DOCK4: variants seen among roughly 807,000 people sequenced by gnomAD.
The protein encoded by DOCK4 is dedicator of cytokinesis protein 4.
A neutral mutation model predicts 268.1 loss-of-function variants in DOCK4; 97 were observed. The observed-to-expected ratio is 0.36, with a 90% CI of 0.31 to 0.43. DOCK4 has a LOEUF of 0.43. Ranked by LOEUF, DOCK4 falls within the 20% of genes least tolerant of loss-of-function variation. DOCK4 has a pLI of 1.00. For missense variants in DOCK4, 2,145 were observed against 2,455.7 expected (o/e 0.87, Z 2.67); for synonymous variants, 954 against 887.2 (o/e 1.08, Z -1.34).
intron 4 of DOCK4, among the ~76,000 whole-genome samples, chr7:111,997,936 A>G (rs1800099866): frequency 6.6e-6 from 1 of 152,216 alleles, no homozygotes. Flanking sequence ...TAGAAATACT[A>G]GGTGATCAAT....
intron 1 of DOCK4, among the ~76,000 whole-genome samples, chr7:112,111,289 G>A (rs1811627721): frequency 6.6e-6 from 1 of 152,186 alleles, no homozygotes; most frequent in East Asian, 1.9e-4. Context: ...GTAGGTATGA[G>A]GATGCTAGGG....
intron 26 of DOCK4, among the ~76,000 whole-genome samples, chr7:111,824,829 C>T (rs1347994088): frequency 6.6e-6 from 1 of 152,204 alleles, no homozygotes; most frequent in Non-Finnish European, 1.5e-5. Context: ...CAGCATGTGA[C>T]ATTGCCAATG....
rs2523009 is a variant in DOCK4 at position 112,149,347 on chromosome 7, A to C, written c.37+56755T>G. Among the ~76,000 whole-genome samples, 510 of 152,238 alleles carry C rather than the reference A, an allele frequency of 3.4e-3. 2 individuals are homozygous for C. The highest frequency in any genetic ancestry group is 0.012 in the African/African-American group (491 of 41,558). On this transcript the variant is annotated intron_variant, in intron 1 of 52. Transcript: ENST00000428084. ...TCTAAGGAAGAAAAAAATGCAGGAC[A>C]ATCATGTTTTCAGCAACTGGGCCTT...
chr7:111,937,462 A>G (rs1794832918), intron 11 of DOCK4, among the ~76,000 whole-genome samples: 1 of 152,222 alleles, frequency 6.6e-6, no homozygotes, highest in Admixed American at 6.5e-5. Context: ...CACAAAGAGC[A>G]GAACAATTTG....
At chr7:111,929,197 T>G (rs1180624109) in intron 12 of DOCK4, among the ~76,000 whole-genome samples, 1 of 152,088 alleles carries the variant, frequency 6.6e-6, no homozygotes, top group Non-Finnish European at 1.5e-5. Flanking sequence ...CACAAACATA[T>G]ACAATCAAGG....
intron 1 of DOCK4, among the ~76,000 whole-genome samples, chr7:112,157,242 T>C (rs1816699282): frequency 6.6e-6 from 1 of 152,156 alleles, no homozygotes; most frequent in Non-Finnish European, 1.5e-5. Flanking sequence ...TCATATGTGT[T>C]TTGGCCTCCA....
At chr7:111,754,661 C>T (rs1456487221) in intron 42 of DOCK4, among the ~76,000 whole-genome samples, 1 of 152,214 alleles carries the variant, frequency 6.6e-6, no homozygotes, top group Non-Finnish European at 1.5e-5. Context: ...TGGCTGACAT[C>T]GAGGTGCTGT....
intron 1 of DOCK4, among the ~76,000 whole-genome samples, chr7:112,124,020 A>G (rs1307061941): frequency 2.2e-4 from 33 of 151,830 alleles, no homozygotes; most frequent in Admixed American, 2.2e-3. Context: ...TCATTAAGAA[A>G]CTAAAAACTT....
At position 111,769,627 on chromosome 7, in the gene DOCK4, G is replaced by T. The variant is rs368171177; in HGVS notation, c.3730C>A (p.Arg1244=). The change falls in exon 37 of 53, where the codon CGG becomes AGG. Residue 1244 remains arginine, a synonymous_variant. Coordinates refer to ENST00000428084, the MANE Select transcript of DOCK4 (RefSeq NM_001363540.2). Reference sequence around the variant, plus strand: ...TAGGTCAGGAACTCCCTGAGGGGCCGATCAGACCATTCCAGTAGCTCGTCA... The same window carrying T: ...TAGGTCAGGAACTCCCTGAGGGGCCTATCAGACCATTCCAGTAGCTCGTCA... The part of the protein sequence containing the change: ...LYDELLEWSD[R]PLREFLTYPM... 2.5e-6 allele frequency: 4 copies of T among 1,613,602 alleles called. No homozygotes were observed. Among genetic ancestry groups the T allele is most frequent in the African/African-American group, 2.7e-5 (2 of 74,852 alleles).
chr7:111,765,323 T>TTACA (rs1797701825), intron 38 of DOCK4, 101 bp from the exon 39 acceptor site: 1 of 739,180 alleles, frequency 1.4e-6, no homozygotes, highest in South Asian at 1.9e-5. Context: ...GAACTTTATT[T>TTACA]TAATTGAGTT....
At chr7:111,845,814 G>A (rs1420300328) in intron 24 of DOCK4, among the ~76,000 whole-genome samples, 1 of 152,072 alleles carries the variant, frequency 6.6e-6, no homozygotes, top group Non-Finnish European at 1.5e-5. Context: ...TTTTGGTTCT[G>A]TGCAGTGAAC....
At chr7:112,115,608 A>G (rs1326480921) in intron 1 of DOCK4, among the ~76,000 whole-genome samples, 2 of 151,640 alleles carry the variant, frequency 1.3e-5, no homozygotes, top group African/African-American at 4.9e-5. Flanking sequence ...GAGATCCAAC[A>G]TATGCCATCT....
At chr7:111,754,559 A>G (rs1796898362) in intron 42 of DOCK4, among the ~76,000 whole-genome samples, 1 of 152,258 alleles carries the variant, frequency 6.6e-6, no homozygotes, top group Admixed American at 6.5e-5. Context: ...TTATTTCTGC[A>G]GTGAAACAAA....
At chr7:111,824,680 C>T (rs1322316363) in intron 26 of DOCK4, among the ~76,000 whole-genome samples, 1 of 152,112 alleles carries the variant, frequency 6.6e-6, no homozygotes, top group Admixed American at 6.5e-5. Flanking sequence ...ATCTTACCAG[C>T]TAGCAACTTG....
At chr7:111,961,888 T>G (rs1796928751) in intron 8 of DOCK4, among the ~76,000 whole-genome samples, 1 of 152,106 alleles carries the variant, frequency 6.6e-6, no homozygotes, top group African/African-American at 2.4e-5. Flanking sequence ...TGGAAAAAAA[T>G]GTCTTTTCTC....
chr7:112,206,214 C>T lies in DOCK4; in HGVS notation c.-76G>A, dbSNP rs1821396432. 2 of 1,480,294 alleles carry T rather than the reference C, an allele frequency of 1.4e-6. No homozygotes were observed. Among genetic ancestry groups the T allele is most frequent in the Admixed American group, 4.0e-5 (2 of 50,598 alleles). The allele number at this position is 1,480,294 out of a possible 1,614,324, so 91.7% of individuals were successfully genotyped here. ...TCCGGCTCACAACAATGCACAGTCC[C>T]CGAGCAGCGCTGCAGTGCCGGAGCC... On this transcript the variant is annotated 5_prime_UTR_variant, in exon 1 of 53. Transcript: ENST00000428084.
chr7:111,935,767 G>C (rs1327710133), intron 11 of DOCK4, 139 bp from the exon 12 acceptor site: 11 of 690,060 alleles, frequency 1.6e-5, no homozygotes, highest in Non-Finnish European at 2.0e-5. Context: ...GCAACTGACT[G>C]TCAGTTTTAG....
intron 13 of DOCK4, among the ~76,000 whole-genome samples, chr7:111,915,320 A>G (rs1792494364): frequency 1.3e-5 from 2 of 152,216 alleles, no homozygotes; most frequent in East Asian, 1.9e-4. Flanking sequence ...AGAAGTACAT[A>G]TAATATTTGC....
chr7:111,998,091 A>G (rs866894195), intron 4 of DOCK4, among the ~76,000 whole-genome samples: 3 of 152,320 alleles, frequency 2.0e-5, no homozygotes, highest in Middle Eastern at 6.8e-3. Flanking sequence ...GAACCTAGGA[A>G]ATTCCTGGGG....
Sources: gnomAD v4.1 joint callset for allele counts (sites outside exome capture counted in the v4.1 genomes callset) on GRCh38, gnomAD v4.1.1 for gene constraint, MANE v1.5 for transcripts, NCBI Gene and HGNC (gene_info 2026-07-23, HGNC 2026-07-21) for gene names.